NPAT: variants seen among roughly 807,000 people sequenced by gnomAD.
NPAT encodes protein NPAT.
NPAT carries 52 observed loss-of-function variants against 130.7 expected under a neutral mutation model. The ratio of observed to expected loss-of-function variants is 0.40; its 90% CI spans 0.32 to 0.50. The LOEUF (loss-of-function observed/expected upper bound fraction) is 0.50. Ranked by LOEUF, NPAT falls within the 20% of genes least tolerant of loss-of-function variation. The pLI is 0.68. For synonymous variants in NPAT, 580 were observed against 584.8 expected, an observed-to-expected ratio of 0.99 and a Z score of 0.12; for missense variants, 1,687 against 1,662.6, an observed-to-expected ratio of 1.01 and a Z score of -0.26.
At position 108,173,840 on chromosome 11, in the gene NPAT, C is replaced by T. The variant is rs1024473957; in HGVS notation, c.1144G>A (p.Gly382Ser). The change falls in exon 13 of 18, where the codon GGT becomes AGT. Residue 382 changes from glycine to serine, a missense_variant. Gly to Ser is a moderately conservative substitution (Grantham distance 56, BLOSUM62 0). Transcript: ENST00000278612. ...FETEESDGQS[G>S]QPAFCTSYQN... is the part of the protein sequence containing the mutation. ...TAGGATGTACAAAAAGCGGGCTGAC[C>T]AGACTGACCATCTGCAAAGTATCAG... 6.2e-7 allele frequency: 1 copy of T among 1,614,052 alleles called. No individual in the cohort carries two copies. Among genetic ancestry groups the T allele is most frequent in the Non-Finnish European group, 8.5e-7 (1 of 1,179,982 alleles).
chr11:108,163,618 CAGA>C (rs2077874030), intron 15 of NPAT, among the ~76,000 whole-genome samples: 6 of 152,194 alleles, frequency 3.9e-5, no homozygotes, highest in Middle Eastern at 3.4e-3. Context: ...AAACACTAGG[CAGA>C]AGAAGTCTTT....
At chr11:108,175,978 C>G (rs1472770281) in intron 12 of NPAT, among the ~76,000 whole-genome samples, 1 of 152,140 alleles carries the variant, frequency 6.6e-6, no homozygotes, top group African/African-American at 2.4e-5. Flanking sequence ...TGCCACTGCA[C>G]TCCAGCCTGG....
Position 108,170,036 on chromosome 11 carries a change from G to T in NPAT, c.2793C>A (p.Ala931=), listed in dbSNP as rs1422081059. Reference sequence around the variant, plus strand: ...GCTGGACTGGAGAGGCAATTATTATGGCAGATCCTAAAAAAACAATTCTTG... The same window carrying T: ...GCTGGACTGGAGAGGCAATTATTATTGCAGATCCTAAAAAAACAATTCTTG... ...AVSPNFSQGS[A]IIIASPVQPV... is the part of the protein sequence containing the mutation. The change falls in exon 14 of 18, where the codon GCC becomes GCA. Residue 931 remains alanine (A), a synonymous_variant. Coordinates refer to ENST00000278612, the MANE Select transcript of NPAT (RefSeq NM_002519.3). 6.3e-7 allele frequency: 1 copy of T among 1,599,418 alleles called. No homozygotes were observed. Among genetic ancestry groups the T allele is most frequent in the Non-Finnish European group, 8.6e-7 (1 of 1,166,912 alleles).
rs776379993 is a variant in NPAT, at chr11:108,161,692, C to G, written c.3394G>C (p.Glu1132Gln). The change falls in exon 17 of 18, where the codon GAA becomes CAA. Residue 1132 changes from glutamate to glutamine, a missense_variant. By Grantham distance (29) the Glu-to-Gln change is conservative (BLOSUM62 2). Coordinates refer to ENST00000278612, the MANE Select transcript of NPAT (RefSeq NM_002519.3). ...PPLPKILSKS[E>Q]SAISRHTTIR... The stretch of plus-strand genomic sequence containing the variant: ...GTGGTATGCCGGCTAATGGCACTTT[C>G]CGATTTAGATAAAATCTTAGGCAGA... The G allele has an allele frequency of 6.2e-6, 10 of 1,613,782 alleles. No homozygotes were observed. The highest frequency in any genetic ancestry group is 1.6e-4 in the Middle Eastern group (1 of 6,084).
intron 10 of NPAT, among the ~76,000 whole-genome samples, chr11:108,178,891 A>G (rs2078033913): frequency 6.6e-6 from 1 of 152,182 alleles, no homozygotes; most frequent in South Asian, 2.1e-4. Context: ...TTCCTATGGA[A>G]TCTCAGAGAA....
intron 15 of NPAT, among the ~76,000 whole-genome samples, chr11:108,169,464 G>C (rs757671768): frequency 1.3e-4 from 20 of 152,168 alleles, no homozygotes; most frequent in Non-Finnish European, 2.6e-4. Flanking sequence ...CTTGAAAGCT[G>C]TTGGGAAAAA....
At chr11:108,216,058 G>A (rs576160547) in intron 1 of NPAT, among the ~76,000 whole-genome samples, 20 of 152,284 alleles carry the variant, frequency 1.3e-4, no homozygotes, top group Non-Finnish European at 2.8e-4. Flanking sequence ...TGAGTTAGCT[G>A]TTACTAGCTT....
Position 108,189,145 on chromosome 11 carries a change from C to A in NPAT, c.517G>T (p.Val173Leu). Residue 173 changes from valine to leucine, a missense_variant, in exon 6 of 18, where the codon GTA (valine) becomes TTA (leucine). Around this residue, in one of 3 missense-constraint regions of NPAT, gnomAD observed 307 missense variants for 298.9 expected, o/e 1.03. Coordinates refer to ENST00000278612, the MANE Select transcript of NPAT (RefSeq NM_002519.3). ...QISDPSRSYFVVVNHSQSQDT... is the reference protein window; with the variant it reads ...QISDPSRSYFLVVNHSQSQDT... ...TGTGACTGTGAGTGGTTGACCACTACAAAATATGACCTCGATGGATCTGAA... is the reference window on the plus strand; with the variant it reads ...TGTGACTGTGAGTGGTTGACCACTAAAAAATATGACCTCGATGGATCTGAA... 1 of 1,614,140 alleles carries A rather than the reference C, an allele frequency of 6.2e-7. No individual in the cohort carries two copies. The highest frequency in any genetic ancestry group is 8.5e-7 in the Non-Finnish European group (1 of 1,180,032).
rs753584824 is a variant in NPAT at position 108,186,356 on chromosome 11, C to T, written c.726+126G>A. ...TGATCCAACAACAACAATGTATTTA[C>T]AGATATCTATAAACTTACTCCTGTT... On this transcript the variant is annotated intron_variant, in intron 8 of 17. Coordinates refer to ENST00000278612, the MANE Select transcript of NPAT (RefSeq NM_002519.3). 15 of 729,576 alleles carry T rather than the reference C, an allele frequency of 2.1e-5. No individual in the cohort carries two copies. In the East Asian group the frequency reaches 2.4e-4, roughly 12 times the overall value. 45.2% of individuals were successfully genotyped at this position (729,576 alleles called of 1,614,324 possible).
At chr11:108,205,046 C>G (rs1213881326) in intron 1 of NPAT, among the ~76,000 whole-genome samples, 2 of 152,130 alleles carry the variant, frequency 1.3e-5, no homozygotes, top group Non-Finnish European at 2.9e-5. Context: ...AGATCCATAC[C>G]TAGACAGACC....
At chr11:108,190,626 A>G (rs1661715439) in intron 4 of NPAT, 126 bp from the exon 5 acceptor site, 1 of 787,312 alleles carries the variant, frequency 1.3e-6, no homozygotes, top group East Asian at 2.6e-5. Flanking sequence ...CTCAGACAAA[A>G]AAGACAAACA....
Position 108,172,844 on chromosome 11 carries a change from G to A in NPAT, c.2140C>T (p.His714Tyr), listed in dbSNP as rs779997340. 12 of 1,613,834 alleles carry A rather than the reference G, an allele frequency of 7.4e-6. No homozygotes were observed. The African/African-American group carries it at 1.3e-4, about 18-fold the overall frequency. Reference sequence around the variant, plus strand: ...TCATCAGTATTTTGGGACTCAGGGTGAGAATCTCCCACTGAAGAACACACA... The same window carrying A: ...TCATCAGTATTTTGGGACTCAGGGTAAGAATCTCCCACTGAAGAACACACA... ...ESVCSSVGDS[H>Y]PESQNTDDKP... Residue 714 changes from histidine to tyrosine, a missense_variant, in exon 13 of 18, where the codon CAC (histidine) becomes TAC (tyrosine). Physicochemically the swap from His to Tyr is moderately conservative, Grantham distance 83. Around this residue, in one of 3 missense-constraint regions of NPAT, gnomAD observed 1,379 missense variants for 1,346.6 expected, o/e 1.02. Transcript: ENST00000278612.
At chr11:108,202,054 C>CTGT (rs2078280171) in intron 1 of NPAT, among the ~76,000 whole-genome samples, 1 of 151,814 alleles carries the variant, frequency 6.6e-6, no homozygotes, top group Non-Finnish European at 1.5e-5. Context: ...AAGTGATCAA[C>CTGT]TAGCTGAGGT....
chr11:108,206,620 C>T lies in NPAT; in HGVS notation c.38-9200G>A, dbSNP rs1020162131. Among the ~76,000 whole-genome samples, 4 of 152,146 alleles carry T rather than the reference C, an allele frequency of 2.6e-5. No individual in the cohort carries two copies. In the South Asian group the frequency reaches 8.3e-4, roughly 31 times the overall value. ...GGTGTCACAACCCTGGTTTGGGGAGCTCTTAGGTCTGGGCTCCCCAAAGGG... is the reference window on the plus strand; with the variant it reads ...GGTGTCACAACCCTGGTTTGGGGAGTTCTTAGGTCTGGGCTCCCCAAAGGG... On this transcript the variant is annotated intron_variant, in intron 1 of 17. Coordinates refer to ENST00000278612, the MANE Select transcript of NPAT (RefSeq NM_002519.3).
chr11:108,219,612 A>G (rs998722919), intron 1 of NPAT, among the ~76,000 whole-genome samples: 3 of 152,206 alleles, frequency 2.0e-5, no homozygotes, highest in African/African-American at 4.8e-5. Context: ...GACTACTAAT[A>G]AAACAAAAAA....
At chr11:108,181,423 C>G (rs1415383345) in intron 10 of NPAT, among the ~76,000 whole-genome samples, 7 of 152,026 alleles carry the variant, frequency 4.6e-5, no homozygotes, top group Non-Finnish European at 1.0e-4. Context: ...TGAGATCACA[C>G]CACTGCATTC....
chr11:108,193,994 TGTC>T lies in NPAT; in HGVS notation c.177_179del (p.Thr61del). The stretch of plus-strand genomic sequence containing the variant: ...TAGCTACATACTCATTTAAAATTGT[TGTC>T]AAGTTTTTTCCAAATAAGGACTGAA... On this transcript the variant is annotated inframe_deletion, in exon 3 of 18. Coordinates refer to ENST00000278612, the MANE Select transcript of NPAT (RefSeq NM_002519.3). 6.4e-7 allele frequency: 1 copy of T among 1,572,010 alleles called. No homozygotes were observed. The highest frequency in any genetic ancestry group is 1.1e-5 in the South Asian group (1 of 89,694).
intron 1 of NPAT, among the ~76,000 whole-genome samples, chr11:108,219,304 C>T (rs1484956123): frequency 6.6e-6 from 1 of 152,168 alleles, no homozygotes; most frequent in Non-Finnish European, 1.5e-5. Flanking sequence ...GCAGTCAAAC[C>T]AGCCTCTTGA....
At chr11:108,164,881 C>A (rs903507140) in intron 15 of NPAT, among the ~76,000 whole-genome samples, 1 of 152,032 alleles carries the variant, frequency 6.6e-6, no homozygotes, top group Admixed American at 6.6e-5. Context: ...CATGGTGATG[C>A]GTGCCTGTAG....
Sources: gnomAD v4.1 joint callset for allele counts (sites outside exome capture counted in the v4.1 genomes callset) on GRCh38, gnomAD v4.1.1 for gene constraint, gnomAD v4.1.1 regional missense constraint, MANE v1.5 for transcripts, NCBI Gene and HGNC (gene_info 2026-07-23, HGNC 2026-07-21) for gene names.